The following ITGB5 variants were observed in gnomAD, a reference collection of about 807,000 sequenced individuals.
ITGB5 encodes integrin subunit beta 5.
ITGB5 carries 38 observed loss-of-function variants against 84.8 expected under a neutral mutation model. The observed-to-expected ratio is 0.45, with a 90% confidence interval of 0.35 to 0.59. The LOEUF is 0.59. Ranked by LOEUF, ITGB5 falls within the 20% of genes least tolerant of loss-of-function variation. The probability of loss-of-function intolerance (pLI) is 0.01; values close to 1 mark genes in which losing one functional copy is unlikely to be tolerated. For synonymous variants in ITGB5, 393 were observed against 414.4 expected, an observed-to-expected ratio of 0.95 and a Z score of 0.63; for missense variants, 905 against 1,034.5, an observed-to-expected ratio of 0.87 and a Z score of 1.72.
intron 4 of ITGB5, among the ~76,000 whole-genome samples, chr3:124,846,662 A>G (rs2065082547): frequency 6.6e-6 from 1 of 152,158 alleles, no homozygotes; most frequent in Non-Finnish European, 1.5e-5. Context: ...GGCCGGATGC[A>G]GTGGCTCATG....
At chr3:124,855,394 G>A (rs1013243660) in intron 3 of ITGB5, among the ~76,000 whole-genome samples, 6 of 152,030 alleles carry the variant, frequency 3.9e-5, no homozygotes, top group African/African-American at 1.4e-4. Flanking sequence ...ATACCCTGAG[G>A]CAAATATGCA....
At chr3:124,837,430 C>T (rs1027400746) in intron 5 of ITGB5, among the ~76,000 whole-genome samples, 1 of 152,192 alleles carries the variant, frequency 6.6e-6, no homozygotes, top group Non-Finnish European at 1.5e-5. Context: ...TCTCCAACTC[C>T]AACCCAGCCA....
Position 124,873,431 on chromosome 3 carries a change from C to T in ITGB5, c.156+15G>A, listed in dbSNP as rs746343949. ...GCATTCCTTCCCTTCTTCCTCCCCTCCCCCACCTACATACCTCTTTGGAGC... is the reference window on the plus strand; with the variant it reads ...GCATTCCTTCCCTTCTTCCTCCCCTTCCCCACCTACATACCTCTTTGGAGC... On this transcript the variant is annotated intron_variant, in intron 2 of 14. Coordinates refer to ENST00000296181, the MANE Select transcript of ITGB5 (RefSeq NM_002213.5). 1.1e-5 allele frequency: 17 copies of T among 1,585,974 alleles called. No homozygotes were observed. Among genetic ancestry groups the T allele is most frequent in the Non-Finnish European group, 1.3e-5 (15 of 1,154,482 alleles).
chr3:124,899,102 AAAG>A (rs1439359229), intron 1 of ITGB5, among the ~76,000 whole-genome samples: 3 of 152,040 alleles, frequency 2.0e-5, no homozygotes, highest in African/African-American at 7.2e-5. Context: ...AAAAAAAAGA[AAAG>A]AAGAAAAAAG....
At chr3:124,851,740 C>A (rs1423748830) in intron 3 of ITGB5, among the ~76,000 whole-genome samples, 1 of 152,098 alleles carries the variant, frequency 6.6e-6, no homozygotes, top group East Asian at 1.9e-4. Flanking sequence ...GGTAACACCA[C>A]TGATGTTCAG....
chr3:124,763,021 TA>T lies in ITGB5; in HGVS notation c.*601del, dbSNP rs1434187092. On this transcript the variant is annotated 3_prime_UTR_variant, in exon 15 of 15. Coordinates refer to ENST00000296181, the MANE Select transcript of ITGB5 (RefSeq NM_002213.5). ...CAAACAATCTTGTTTCTTTTCATTA[TA>T]AAAGTACTAAACAAACACGGACAGG... 6.6e-6 allele frequency: 1 copy of T among 152,260 alleles called. No homozygotes were observed. The highest frequency in any genetic ancestry group is 1.5e-5 in the Non-Finnish European group (1 of 68,082). 9.4% of individuals were successfully genotyped at this position (152,260 alleles called of 1,614,324 possible). A position where few individuals can be genotyped will look rare whatever the true frequency, so the allele number is the denominator to read the frequency against.
chr3:124,784,060 A>T (rs2064044854), intron 10 of ITGB5, among the ~76,000 whole-genome samples: 1 of 152,218 alleles, frequency 6.6e-6, no homozygotes, highest in East Asian at 1.9e-4. Flanking sequence ...CTATAAAAAA[A>T]AATAAGGTGA....
At position 124,763,612 on chromosome 3, in the gene ITGB5, A is replaced by G. The variant is rs368629688; in HGVS notation, c.*11T>C. On this transcript the variant is annotated 3_prime_UTR_variant, in exon 15 of 15. Transcript: ENST00000296181. ...TCAGATCCCCGCTCCAGCCCCTCGGAGAAGGAAACATCAGTCCACAGTGCC... is the reference window on the plus strand; with the variant it reads ...TCAGATCCCCGCTCCAGCCCCTCGGGGAAGGAAACATCAGTCCACAGTGCC... 1.1e-4 allele frequency: 169 copies of G among 1,539,750 alleles called. No homozygotes were observed. The highest frequency in any genetic ancestry group is 1.3e-4 in the Non-Finnish European group (142 of 1,112,150).
At chr3:124,898,891 C>T (rs146169609) in intron 1 of ITGB5, among the ~76,000 whole-genome samples, 4,548 of 150,620 alleles carry the variant, frequency 0.03, 108 homozygotes, top group South Asian at 0.045. Flanking sequence ...GCCTGACTAA[C>T]GTGGTGAAAC....
intron 4 of ITGB5, among the ~76,000 whole-genome samples, chr3:124,844,150 C>T (rs753250642): frequency 5.6e-5 from 7 of 124,882 alleles, no homozygotes; most frequent in South Asian, 2.4e-4. Context: ...ATCCCAGAAA[C>T]GAAGAGGAAA....
intron 9 of ITGB5, among the ~76,000 whole-genome samples, chr3:124,798,055 C>CTTGTTTT (rs2064258416): frequency 9.6e-6 from 1 of 103,656 alleles, no homozygotes. Context: ...TAGAATAAAG[C>CTTGTTTT]TTTTTTTTTT....
At chr3:124,872,493 T>C (rs1012392136) in intron 2 of ITGB5, among the ~76,000 whole-genome samples, 2 of 152,174 alleles carry the variant, frequency 1.3e-5, no homozygotes, top group Non-Finnish European at 2.9e-5. Context: ...AAGGAATCCC[T>C]AGACCTCTGA....
Position 124,796,281 on chromosome 3 carries a change from G to C in ITGB5, c.1693+107C>G, listed in dbSNP as rs1559937114. On this transcript the variant is annotated intron_variant, in intron 10 of 14. Coordinates refer to ENST00000296181, the MANE Select transcript of ITGB5 (RefSeq NM_002213.5). Reference sequence around the variant, plus strand: ...CACTGTCTTCTCCAAGGAGAGCCATGGTAGTGACACTTTCTACCACCACTG... The same window carrying C: ...CACTGTCTTCTCCAAGGAGAGCCATCGTAGTGACACTTTCTACCACCACTG... 6.8e-6 allele frequency: 7 copies of C among 1,025,666 alleles called. No homozygotes were observed. In the South Asian group the frequency reaches 9.2e-5, roughly 13 times the overall value. The allele number at this position is 1,025,666 out of a possible 1,614,324, so 63.5% of individuals were successfully genotyped here.
intron 1 of ITGB5, among the ~76,000 whole-genome samples, chr3:124,894,134 C>CTTTTTTCTTTTTTT (rs1553769998): frequency 9.6e-6 from 1 of 104,354 alleles, no homozygotes; most frequent in Non-Finnish European, 1.8e-5. Flanking sequence ...TGATATTTTT[C>CTTTTTTCTTTTTTT]TTTTTTTTTT....
chr3:124,762,024 T>C lies in ITGB5; in HGVS notation c.*1599A>G, dbSNP rs531657821. 7 of 152,292 alleles carry C rather than the reference T, an allele frequency of 4.6e-5. No individual in the cohort carries two copies. Among genetic ancestry groups the C allele is most frequent in the African/African-American group, 1.7e-4 (7 of 41,562 alleles). The allele number at this position is 152,292 out of a possible 1,614,324, so 9.4% of individuals were successfully genotyped here. On this transcript the variant is annotated 3_prime_UTR_variant, in exon 15 of 15. Transcript: ENST00000296181. ...ACAATTTATCTGTTTAATGTTTTCA[T>C]TTACATTTGGCTTTATCCCAAAAAG... is the stretch of plus-strand genomic sequence containing the variant.
intron 5 of ITGB5, among the ~76,000 whole-genome samples, chr3:124,835,968 T>C (rs1212212742): frequency 1.3e-5 from 2 of 151,978 alleles, no homozygotes; most frequent in Admixed American, 1.3e-4. Flanking sequence ...TCAAAGGCCT[T>C]GAGCAAAGGA....
chr3:124,890,489 G>A (rs1934977711), upstream of ITGB5, among the ~76,000 whole-genome samples: 1 of 152,066 alleles, frequency 6.6e-6, no homozygotes, highest in Non-Finnish European at 1.5e-5. Flanking sequence ...ATGAGCCACC[G>A]CGCCCGGCCT....
chr3:124,769,348 G>T (rs560559225), intron 11 of ITGB5: 60 of 473,808 alleles, frequency 1.3e-4, no homozygotes, highest in African/African-American at 9.9e-4. Flanking sequence ...ATGTCAGGTT[G>T]CAGACCTTTC....
At chr3:124,768,779 T>A (rs1435879143) in intron 12 of ITGB5, among the ~76,000 whole-genome samples, 1 of 152,222 alleles carries the variant, frequency 6.6e-6, no homozygotes, top group Non-Finnish European at 1.5e-5. Flanking sequence ...ATTGGCACAT[T>A]GTATGGTGAT....
Sources: allele counts gnomAD v4.1 joint callset (sites outside exome capture counted in the v4.1 genomes callset), GRCh38; gene constraint gnomAD v4.1.1; transcripts MANE v1.5; gene names NCBI Gene and HGNC (gene_info 2026-07-23, HGNC 2026-07-21).